ADRA1B: variants seen among roughly 807,000 people sequenced by gnomAD.
ADRA1B encodes the protein adrenoceptor alpha 1B, also known as alpha-1B adrenergic receptor.
Under a neutral mutation model 17.9 loss-of-function variants are expected in ADRA1B, and 17 were observed. The observed-to-expected ratio is 0.95, with a 90% confidence interval of 0.65 to 1.42. ADRA1B has a LOEUF of 1.42. Ranked by LOEUF, ADRA1B falls within the 40% of genes most tolerant of loss-of-function variation. The probability of loss-of-function intolerance (pLI) is 0.00; values close to 1 mark genes in which losing one functional copy is unlikely to be tolerated. For missense variants in ADRA1B, 681 were observed against 722.1 expected (o/e 0.94, Z 0.65); for synonymous variants, 366 against 327.6 (o/e 1.12, Z -1.27).
chr5:159,912,629 A>C (rs549921605), upstream of ADRA1B, among the ~76,000 whole-genome samples: 1 of 152,298 alleles, frequency 6.6e-6, no homozygotes, highest in East Asian at 1.9e-4. Context: ...GTGCAGAGAG[A>C]AGGATGCAAG....
chr5:159,938,596 T>C (rs796609492), intron 1 of ADRA1B, among the ~76,000 whole-genome samples: 1 of 152,198 alleles, frequency 6.6e-6, no homozygotes, highest in East Asian at 1.9e-4. Flanking sequence ...AATCTCAGGA[T>C]AGATGTGAAC....
intron 1 of ADRA1B, among the ~76,000 whole-genome samples, chr5:159,895,933 T>C (rs947768171): frequency 6.6e-6 from 1 of 152,164 alleles, no homozygotes; most frequent in Non-Finnish European, 1.5e-5. Flanking sequence ...CAGCGGACTA[T>C]AGGGGCTATG....
intron 1 of ADRA1B, among the ~76,000 whole-genome samples, chr5:159,879,572 G>A (rs775036814): frequency 6.6e-6 from 1 of 152,158 alleles, no homozygotes; most frequent in African/African-American, 2.4e-5. Flanking sequence ...ATTATGGGGA[G>A]GGGGGAGTGA....
At chr5:159,977,956 CCTT>C (rs1466965080), downstream of ADRA1B, among the ~76,000 whole-genome samples, 6 of 152,194 alleles carry the variant, frequency 3.9e-5, no homozygotes, top group South Asian at 1.2e-3. Context: ...TCAAATGTCA[CCTT>C]CTCGGTGATC....
At position 159,972,614 on chromosome 5, in the gene ADRA1B, G is replaced by A. The variant is rs1755904154; in HGVS notation, c.*122G>A. ...AGACGCGCGCCCCAAGGGGAACCGG[G>A]GGGAGGGCCGGGGAGAGGGGCAGCT... On this transcript the variant is annotated 3_prime_UTR_variant, in exon 2 of 2. Coordinates refer to ENST00000306675, the MANE Select transcript of ADRA1B (RefSeq NM_000679.4). 1 of 980,780 alleles carries A rather than the reference G, an allele frequency of 1.0e-6. No individual in the cohort carries two copies. The highest frequency in any genetic ancestry group is 1.4e-6 in the Non-Finnish European group (1 of 737,382). The allele number at this position is 980,780 out of a possible 1,614,324, so 60.8% of individuals were successfully genotyped here.
intron 1 of ADRA1B, among the ~76,000 whole-genome samples, chr5:159,890,226 G>C (rs962117257): frequency 6.6e-6 from 1 of 152,090 alleles, no homozygotes; most frequent in African/African-American, 2.4e-5. Context: ...GACCATAGAT[G>C]GCCCCAGGAA....
intron 1 of ADRA1B, among the ~76,000 whole-genome samples, chr5:159,898,014 C>T (rs1209286304): frequency 1.3e-5 from 2 of 152,212 alleles, no homozygotes; most frequent in Admixed American, 6.5e-5. Flanking sequence ...CTGCCACTTC[C>T]GGCTCCCATC....
chr5:159,919,815 G>A (rs1022603043), intron 1 of ADRA1B, among the ~76,000 whole-genome samples: 2 of 152,206 alleles, frequency 1.3e-5, no homozygotes, highest in Non-Finnish European at 2.9e-5. Context: ...GCTTTTAGGG[G>A]CAGGGGAAAT....
At chr5:159,883,585 A>C (rs1410548283) in intron 1 of ADRA1B, among the ~76,000 whole-genome samples, 4 of 152,222 alleles carry the variant, frequency 2.6e-5, no homozygotes, top group African/African-American at 7.2e-5. Context: ...CTTCATATAA[A>C]CAGAATTTCT....
In ADRA1B at chr5:159,917,672, A is replaced by G; in HGVS notation, c.767A>G (p.His256Arg). The G allele has an allele frequency of 1.2e-6, 2 of 1,614,070 alleles. No individual in the cohort carries two copies. The highest frequency in any genetic ancestry group is 8.5e-7 in the Non-Finnish European group (1 of 1,180,028). Reference sequence around the variant, plus strand: ...TCCAAGGAGCTGACCCTGAGGATCCATTCCAAGAACTTTCACGAGGACACC... The same window carrying G: ...TCCAAGGAGCTGACCCTGAGGATCCGTTCCAAGAACTTTCACGAGGACACC... ...SNSKELTLRI[H>R]SKNFHEDTLS... The change falls in exon 1 of 2, where the codon CAT (histidine) becomes CGT (arginine). Residue 256 changes from histidine to arginine, a missense_variant. By Grantham distance (29) the His-to-Arg change is conservative. This residue lies in a region of ADRA1B where 424 missense variants were observed against 480.2 expected (regional missense o/e 0.88). Coordinates refer to ENST00000306675, the MANE Select transcript of ADRA1B (RefSeq NM_000679.4).
chr5:159,947,912 T>C lies in ADRA1B; in HGVS notation c.950-23967T>C, dbSNP rs919960624. 13 of 985,308 alleles carry C rather than the reference T, an allele frequency of 1.3e-5. No homozygotes were observed. The African/African-American group carries it at 2.3e-4, about 17-fold the overall frequency. 61.0% of individuals were successfully genotyped at this position (985,308 alleles called of 1,614,324 possible). ...ACATCTCTGGGAGAGGGATTCACAT[T>C]CTCTGGCTTTCTGCAAGCTCTTCCA... On this transcript the variant is annotated intron_variant, in intron 1 of 1. Transcript: ENST00000306675.
intron 1 of ADRA1B, among the ~76,000 whole-genome samples, chr5:159,953,236 T>C (rs535849984): frequency 3.3e-5 from 5 of 152,222 alleles, no homozygotes; most frequent in Admixed American, 2.6e-4. Context: ...AGCACACACC[T>C]GTAATCCCAG....
chr5:159,976,241 A>G (rs527722188), downstream of ADRA1B, among the ~76,000 whole-genome samples: 2 of 152,232 alleles, frequency 1.3e-5, no homozygotes, highest in African/African-American at 2.4e-5. Flanking sequence ...ACTTGGATGT[A>G]TGAAATTTGG....
intron 1 of ADRA1B, among the ~76,000 whole-genome samples, chr5:159,925,666 G>A (rs970195940): frequency 7.9e-5 from 12 of 152,178 alleles, no homozygotes; most frequent in Non-Finnish European, 1.6e-4. Flanking sequence ...ACTGTGGCTA[G>A]TGGTGACCTA....
chr5:159,956,951 C>T (rs1217193316), intron 1 of ADRA1B, among the ~76,000 whole-genome samples: 2 of 152,082 alleles, frequency 1.3e-5, no homozygotes, highest in Non-Finnish European at 2.9e-5. Context: ...CGGCTCACTG[C>T]CACCTCCACC....
intron 1 of ADRA1B, among the ~76,000 whole-genome samples, chr5:159,893,367 C>T (rs1486078504): frequency 6.6e-5 from 2 of 30,250 alleles, no homozygotes; most frequent in African/African-American, 6.3e-4. Context: ...GAGCTTATGC[C>T]CAGTGCCTTA....
chr5:159,879,369 C>A (rs1753832707), intron 1 of ADRA1B, among the ~76,000 whole-genome samples: 1 of 152,184 alleles, frequency 6.6e-6, no homozygotes, highest in Non-Finnish European at 1.5e-5. Flanking sequence ...CAGGCGCCTG[C>A]CTGTAAGCAC....
chr5:159,867,483 C>A (rs761915914), intron 1 of ADRA1B, among the ~76,000 whole-genome samples: 6 of 152,060 alleles, frequency 3.9e-5, no homozygotes, highest in Non-Finnish European at 7.4e-5. Flanking sequence ...TCTCCCTCGC[C>A]CTCTCTCATA....
chr5:159,875,911 G>A (rs936156410), intron 1 of ADRA1B, among the ~76,000 whole-genome samples: 4 of 147,514 alleles, frequency 2.7e-5, no homozygotes, highest in South Asian at 2.1e-4. Flanking sequence ...AACAAGGGCC[G>A]GGCATGGTGG....
Sources: gnomAD v4.1 joint callset for allele counts (sites outside exome capture counted in the v4.1 genomes callset) on GRCh38, gnomAD v4.1.1 for gene constraint, gnomAD v4.1.1 regional missense constraint, MANE v1.5 for transcripts, NCBI Gene and HGNC (gene_info 2026-07-23, HGNC 2026-07-21) for gene names.